The following LRRC3B variants were observed in gnomAD, a reference collection of about 807,000 sequenced individuals.
LRRC3B encodes the protein leucine-rich repeat-containing protein 3B.
LRRC3B carries 2 observed loss-of-function variants against 12.8 expected under a neutral mutation model. That is an observed-to-expected ratio of 0.16 (90% CI 0.06 to 0.49). The LOEUF is 0.49. Among genes scored for constraint, LRRC3B ranks in the 20% least tolerant of loss-of-function variants. The probability of loss-of-function intolerance (pLI) is 0.96; values close to 1 mark genes in which losing one functional copy is unlikely to be tolerated. For missense variants in LRRC3B, 189 were observed against 319.4 expected (o/e 0.59, Z 3.11); for synonymous variants, 132 against 122.0 (o/e 1.08, Z -0.54).
Position 26,661,035 on chromosome 3 carries a change from T to C in LRRC3B, c.-161+37798T>C, listed in dbSNP as rs182939533. Among the ~76,000 whole-genome samples, 752 of 152,302 alleles carry C rather than the reference T, an allele frequency of 4.9e-3. 3 individuals are homozygous for C. Among genetic ancestry groups the C allele is most frequent in the Non-Finnish European group, 7.8e-3 (528 of 68,024 alleles). ...ATCATAATAGCTTCAAAAAATTTTCTTAGATATTTGAACAATTTGAAAAAC... is the reference window on the plus strand; with the variant it reads ...ATCATAATAGCTTCAAAAAATTTTCCTAGATATTTGAACAATTTGAAAAAC... On this transcript the variant is annotated intron_variant, in intron 1 of 1. Coordinates refer to ENST00000396641, the Ensembl canonical transcript of LRRC3B.
intron 1 of LRRC3B, among the ~76,000 whole-genome samples, chr3:26,681,624 A>G (rs748387451): frequency 6.6e-6 from 1 of 152,222 alleles, no homozygotes; most frequent in Non-Finnish European, 1.5e-5. Context: ...ATAGGATAAC[A>G]TGAAGTGTAT....
At chr3:26,651,553 A>G (rs891642289) in intron 1 of LRRC3B, among the ~76,000 whole-genome samples, 4 of 152,228 alleles carry the variant, frequency 2.6e-5, no homozygotes, top group African/African-American at 9.6e-5. Flanking sequence ...CTAGACACCA[A>G]TGAGACAATC....
intron 1 of LRRC3B, among the ~76,000 whole-genome samples, chr3:26,671,409 G>GAA (rs1699742102): frequency 7.6e-6 from 1 of 131,298 alleles, no homozygotes; most frequent in Non-Finnish European, 1.6e-5. Flanking sequence ...GAGAGAGAGA[G>GAA]AGAGACGAAG....
chr3:26,627,683 G>T (rs1418142782), intron 1 of LRRC3B, among the ~76,000 whole-genome samples: 4 of 151,920 alleles, frequency 2.6e-5, no homozygotes, highest in Non-Finnish European at 5.9e-5. Context: ...TGACTGTTCT[G>T]AATCCCCAAG....
At position 26,637,565 on chromosome 3, in the gene LRRC3B, A is replaced by C. The variant is rs376463108; in HGVS notation, c.-161+14328A>C. Reference sequence around the variant, plus strand: ...CACATTGTGTCCAGGGCTAGGAAACACTTGTGGATTCTGTGGATAGCAGCC... The same window carrying C: ...CACATTGTGTCCAGGGCTAGGAAACCCTTGTGGATTCTGTGGATAGCAGCC... On this transcript the variant is annotated intron_variant, in intron 1 of 1. Coordinates refer to ENST00000396641, the Ensembl canonical transcript of LRRC3B. 6.6e-5 allele frequency among the ~76,000 whole-genome samples: 10 copies of C among 152,308 alleles called. No homozygotes were observed. In the South Asian group the frequency reaches 2.1e-3, roughly 32 times the overall value.
chr3:26,688,208 T>C lies in LRRC3B; in HGVS notation c.-160-21305T>C, dbSNP rs560823444. ...AAATACATCCACAGCTCTTTCTAAA[T>C]ATCTAGGCATCCATATTTTTCTGGT... On this transcript the variant is annotated intron_variant, in intron 1 of 1. Coordinates refer to ENST00000396641, the Ensembl canonical transcript of LRRC3B. 3.3e-5 allele frequency among the ~76,000 whole-genome samples: 5 copies of C among 152,322 alleles called. No individual in the cohort carries two copies. The East Asian group carries it at 7.7e-4, about 24-fold the overall frequency.
chr3:26,694,707 GGAT>G (rs1700266469), intron 1 of LRRC3B: 1 of 152,190 alleles, frequency 6.6e-6, no homozygotes, highest in African/African-American at 2.4e-5. Context: ...TTCAGGTTCT[GGAT>G]GATTTCTGTA....
intron 1 of LRRC3B, among the ~76,000 whole-genome samples, chr3:26,708,327 A>AAGAT (rs562471234): frequency 2.0e-3 from 300 of 152,340 alleles, no homozygotes; most frequent in African/African-American, 6.9e-3. Context: ...CATAGCATAA[A>AAGAT]AGATAGGGCT....
intron 1 of LRRC3B, among the ~76,000 whole-genome samples, chr3:26,639,829 T>G (rs1191794488): frequency 1.3e-5 from 2 of 152,164 alleles, no homozygotes; most frequent in African/African-American, 4.8e-5. Flanking sequence ...TCTCCCCACC[T>G]TCTCTTTAGA....
intron 1 of LRRC3B, among the ~76,000 whole-genome samples, chr3:26,651,697 A>T (rs1184719985): frequency 6.6e-6 from 1 of 152,234 alleles, no homozygotes; most frequent in Non-Finnish European, 1.5e-5. Context: ...GGGTAAAAAG[A>T]AGCTGACCTT....
At chr3:26,685,486 C>CCTCCCT (rs1277835964) in intron 1 of LRRC3B, among the ~76,000 whole-genome samples, 1 of 49,572 alleles carries the variant, frequency 2.0e-5, no homozygotes, top group African/African-American at 9.3e-5. Flanking sequence ...AGACTCTCTC[C>CCTCCCT]CTCTCTCTCT....
intron 1 of LRRC3B, among the ~76,000 whole-genome samples, chr3:26,708,822 T>G (rs1332286734): frequency 6.6e-6 from 1 of 152,100 alleles, no homozygotes; most frequent in Non-Finnish European, 1.5e-5. Context: ...TATTTAAGCA[T>G]TTATTGGGAA....
chr3:26,639,268 A>G (rs1210034484), intron 1 of LRRC3B, among the ~76,000 whole-genome samples: 6 of 152,174 alleles, frequency 3.9e-5, no homozygotes, highest in Admixed American at 6.6e-5. Context: ...CTTGTAATCT[A>G]ATAAAATGTA....
chr3:26,646,241 C>T (rs1332862019), intron 1 of LRRC3B, among the ~76,000 whole-genome samples: 1 of 152,104 alleles, frequency 6.6e-6, no homozygotes, highest in Non-Finnish European at 1.5e-5. Context: ...TTCCAACCAG[C>T]GATTTTCAAT....
chr3:26,623,990 C>T (rs1438210097), intron 1 of LRRC3B: 2 of 152,366 alleles, frequency 1.3e-5, no homozygotes, highest in Non-Finnish European at 2.9e-5. Flanking sequence ...GGCGAGCGGC[C>T]AGCCCTGAGA....
intron 1 of LRRC3B, among the ~76,000 whole-genome samples, chr3:26,640,629 G>A (rs1421670129): frequency 6.6e-6 from 1 of 152,106 alleles, no homozygotes; most frequent in African/African-American, 2.4e-5. Flanking sequence ...TATGGGACTG[G>A]GATACAAAGG....
chr3:26,633,318 C>T (rs1022013833), intron 1 of LRRC3B, among the ~76,000 whole-genome samples: 1 of 152,124 alleles, frequency 6.6e-6, no homozygotes, highest in African/African-American at 2.4e-5. Context: ...CTTTAGTATG[C>T]CTCAGTTTTC....
chr3:26,652,894 T>C (rs1445267004), intron 1 of LRRC3B, among the ~76,000 whole-genome samples: 1 of 152,142 alleles, frequency 6.6e-6, no homozygotes, highest in Non-Finnish European at 1.5e-5. Context: ...CCCTTTCTAG[T>C]TCTTGTCTAT....
rs140233297 is a variant in LRRC3B at position 26,627,870 on chromosome 3, G to A, written c.-161+4633G>A. 3.0e-3 allele frequency among the ~76,000 whole-genome samples: 459 copies of A among 152,296 alleles called. 3 individuals are homozygous for A. Among genetic ancestry groups the A allele is most frequent in the African/African-American group, 0.01 (432 of 41,564 alleles). ...GAGGTGGGGATACCGGCTTAGTTGA[G>A]TTGCAGCAGTGTTAAAGAAAAGAGA... is the stretch of plus-strand genomic sequence containing the variant. On this transcript the variant is annotated intron_variant, in intron 1 of 1. Transcript: ENST00000396641.
Sources: gnomAD v4.1 joint callset for allele counts (sites outside exome capture counted in the v4.1 genomes callset) on GRCh38, gnomAD v4.1.1 for gene constraint, MANE v1.5 for transcripts, NCBI Gene and HGNC (gene_info 2026-07-23, HGNC 2026-07-21) for gene names.